The following TBX15 variants were observed in gnomAD, a reference collection of about 807,000 sequenced individuals.
The protein encoded by TBX15 is T-box transcription factor TBX15.
TBX15 carries 18 observed loss-of-function variants against 53.9 expected under a neutral mutation model. That is an observed-to-expected ratio of 0.33 (90% CI 0.23 to 0.49). The LOEUF (loss-of-function observed/expected upper bound fraction) is 0.49, where lower values mean the gene tolerates loss of function less well. TBX15 is among the 20% of genes least tolerant of loss of function. TBX15 has a pLI of 0.98. For synonymous variants in TBX15, 295 were observed against 278.0 expected (o/e 1.06, Z -0.61); for missense variants, 692 against 749.5 (o/e 0.92, Z 0.90).
At chr1:118,927,664 G>A (rs1655644597) in intron 2 of TBX15, among the ~76,000 whole-genome samples, 1 of 152,168 alleles carries the variant, frequency 6.6e-6, no homozygotes, top group Admixed American at 6.5e-5. Flanking sequence ...TGTTAAACTT[G>A]CCAAAGCAAG....
At position 118,931,725 on chromosome 1, in the gene TBX15, C is replaced by G; in HGVS notation, c.313G>C (p.Ala105Pro). The G allele has an allele frequency of 6.2e-7, 1 of 1,614,052 alleles. No individual in the cohort carries two copies. Among genetic ancestry groups the G allele is most frequent in the Non-Finnish European group, 8.5e-7 (1 of 1,179,948 alleles). ...ATCTCCTCCATGGAAGACATGGCAG[C>G]AGGCACAGGGCCTGCAGCACCAGAG... The part of the protein sequence containing the change: ...LASGAAGPVP[A>P]AMSSMEEIQV... Residue 105 changes from alanine (A) to proline (P), a missense_variant, in exon 2 of 8, where the codon GCT becomes CCT. Ala to Pro is a conservative substitution (Grantham distance 27, BLOSUM62 -1). This residue lies in a region of TBX15 where 307 missense variants were observed against 347.5 expected (regional missense o/e 0.88). Coordinates refer to ENST00000369429, the MANE Select transcript of TBX15 (RefSeq NM_001330677.2).
intron 7 of TBX15, 151 bp from the exon 8 acceptor site, chr1:118,885,667 T>C (rs1330973088): frequency 1.2e-6 from 1 of 844,238 alleles, no homozygotes; most frequent in African/African-American, 1.7e-5. Context: ...AGCAGACCTA[T>C]GCTAAGCGAT....
chr1:118,889,519 C>T (rs1356715984), intron 7 of TBX15, among the ~76,000 whole-genome samples: 3 of 152,290 alleles, frequency 2.0e-5, no homozygotes. Context: ...CTTCCCTGTG[C>T]CCTCCTCCCC....
At chr1:118,950,847 A>G (rs1030202571) in intron 1 of TBX15, among the ~76,000 whole-genome samples, 12 of 152,322 alleles carry the variant, frequency 7.9e-5, no homozygotes, top group Middle Eastern at 3.4e-3. Flanking sequence ...CACAGTTCTC[A>G]TCGAAGGATC....
At chr1:118,985,695 C>A in intron 1 of TBX15, among the ~76,000 whole-genome samples, 1 of 152,290 alleles carries the variant, frequency 6.6e-6, no homozygotes, top group East Asian at 1.9e-4. Flanking sequence ...AATCCAAATA[C>A]CCATCTTTTT....
Position 118,988,028 on chromosome 1 carries a change from C to T in TBX15, c.-233G>A. 1.7e-6 allele frequency: 1 copy of T among 597,300 alleles called. No homozygotes were observed. The highest frequency in any genetic ancestry group is 2.9e-6 in the Non-Finnish European group (1 of 345,054). The allele number at this position is 597,300 out of a possible 1,614,324, so 37.0% of individuals were successfully genotyped here. A position where few individuals can be genotyped will look rare whatever the true frequency, so the allele number is the denominator to read the frequency against. On this transcript the variant is annotated 5_prime_UTR_variant, in exon 1 of 8. Coordinates refer to ENST00000369429, the MANE Select transcript of TBX15 (RefSeq NM_001330677.2). ...GCCCAGCTGCTAGGAACTAGCGCCC[C>T]GAGCGCCGCCCGCTCGCTGCATGAG...
At chr1:118,984,446 T>G (rs1381459519) in intron 1 of TBX15, among the ~76,000 whole-genome samples, 1 of 152,200 alleles carries the variant, frequency 6.6e-6, no homozygotes, top group Non-Finnish European at 1.5e-5. Flanking sequence ...GGACTCCGGG[T>G]GGAGCAGGGG....
intron 5 of TBX15, among the ~76,000 whole-genome samples, chr1:118,917,614 G>A (rs1448504656): frequency 6.6e-6 from 1 of 152,128 alleles, no homozygotes; most frequent in Non-Finnish European, 1.5e-5. Context: ...CCCTATGTAA[G>A]CATGAATATC....
chr1:118,939,043 TA>T (rs1393052321), intron 1 of TBX15, among the ~76,000 whole-genome samples: 1 of 151,952 alleles, frequency 6.6e-6, no homozygotes, highest in East Asian at 1.9e-4. Flanking sequence ...TATGCGACCA[TA>T]AAAAAGAATG....
At chr1:118,976,329 T>C (rs1657434196) in intron 1 of TBX15, among the ~76,000 whole-genome samples, 1 of 152,200 alleles carries the variant, frequency 6.6e-6, no homozygotes, top group Non-Finnish European at 1.5e-5. Context: ...AATTCAGCCA[T>C]GCAACACCCA....
At chr1:118,913,975 T>A in intron 6 of TBX15, 140 bp downstream of exon 6, 1 of 786,546 alleles carries the variant, frequency 1.3e-6, no homozygotes, top group Non-Finnish European at 2.2e-6. Flanking sequence ...ACGTTAGCTA[T>A]CCATTTCTCT....
chr1:118,892,542 TA>T (rs556528680), intron 7 of TBX15, among the ~76,000 whole-genome samples: 43 of 152,148 alleles, frequency 2.8e-4, no homozygotes, highest in Non-Finnish European at 5.3e-4. Flanking sequence ...TGCAGTTAGA[TA>T]AGACATAAAA....
chr1:118,904,965 T>C (rs1394484874), intron 6 of TBX15, among the ~76,000 whole-genome samples: 2 of 152,192 alleles, frequency 1.3e-5, no homozygotes, highest in Admixed American at 6.5e-5. Context: ...ATCATAATAC[T>C]TCCTCCTAAC....
At chr1:118,914,261 CT>C in intron 5 of TBX15, 82 bp from the exon 6 acceptor site, 3 of 1,271,788 alleles carry the variant, frequency 2.4e-6, no homozygotes, top group Non-Finnish European at 3.4e-6. Flanking sequence ...ACAAAAATCA[CT>C]TTTTTAATAA....
chr1:118,909,068 C>T (rs1424913294), intron 6 of TBX15, among the ~76,000 whole-genome samples: 4 of 152,156 alleles, frequency 2.6e-5, no homozygotes, highest in Admixed American at 2.6e-4. Flanking sequence ...CTGACACTTC[C>T]TAAAGAAGCA....
chr1:118,958,238 C>G (rs1027511440), intron 1 of TBX15, among the ~76,000 whole-genome samples: 12 of 152,280 alleles, frequency 7.9e-5, no homozygotes, highest in Admixed American at 7.2e-4. Context: ...GAAGAGGCAG[C>G]AGAGAGTTTG....
chr1:118,892,482 G>C (rs2101463614), intron 7 of TBX15, among the ~76,000 whole-genome samples: 1 of 152,236 alleles, frequency 6.6e-6, no homozygotes, highest in South Asian at 2.1e-4. Flanking sequence ...AAAGAGGAGT[G>C]TCTAAAGACA....
chr1:118,893,485 G>GGAAA (rs55891659), intron 7 of TBX15, among the ~76,000 whole-genome samples: 15,451 of 71,740 alleles, frequency 0.22, 2,130 homozygotes, highest in Admixed American at 0.26. Context: ...AAGGAAGGAA[G>GGAAA]GAAAGAAAGA....
At chr1:118,887,890 GTTA>G (rs1654006157) in intron 7 of TBX15, among the ~76,000 whole-genome samples, 1 of 152,094 alleles carries the variant, frequency 6.6e-6, no homozygotes, top group African/African-American at 2.4e-5. Context: ...TTTGGCTGTT[GTTA>G]TTATAATAGT....
Sources: gnomAD v4.1 joint callset for allele counts (sites outside exome capture counted in the v4.1 genomes callset) on GRCh38, gnomAD v4.1.1 for gene constraint, gnomAD v4.1.1 regional missense constraint, MANE v1.5 for transcripts, NCBI Gene and HGNC (gene_info 2026-07-23, HGNC 2026-07-21) for gene names.